Variants in RAPGEF2 observed in about 807,000 individuals in gnomAD.
RAPGEF2 encodes PDZ domain containing guanine nucleotide exchange factor (GEF) 1.
Under a neutral mutation model 186.7 loss-of-function variants are expected in RAPGEF2, and 54 were observed. The ratio of observed to expected loss-of-function variants is 0.29; its 90% CI spans 0.23 to 0.36. The LOEUF is 0.36. Ranked by LOEUF, RAPGEF2 falls within the 10% of genes least tolerant of loss-of-function variation. The pLI is 1.00. For missense variants in RAPGEF2, 1,532 were observed against 2,045.0 expected (o/e 0.75, Z 4.84); for synonymous variants, 712 against 705.9 (o/e 1.01, Z -0.14).
Position 159,346,695 on chromosome 4 carries a change from G to A in RAPGEF2, c.3503-94G>A, listed in dbSNP as rs954343851. ...TGTGCATTAATTTAGTATTCTAACT[G>A]CAGAAAATGCTCACACAGTTCTAGA... On this transcript the variant is annotated intron_variant, in intron 24 of 29. Coordinates refer to ENST00000691494, the MANE Select transcript of RAPGEF2 (RefSeq NM_001394067.2). 3 of 1,044,266 alleles carry A rather than the reference G, an allele frequency of 2.9e-6. No individual in the cohort carries two copies. In the African/African-American group the frequency reaches 4.8e-5, roughly 17 times the overall value. 64.7% of individuals were successfully genotyped at this position (1,044,266 alleles called of 1,614,324 possible). A position where few individuals can be genotyped will look rare whatever the true frequency, so the allele number is the denominator to read the frequency against.
In RAPGEF2 at chr4:159,338,411, A is replaced by G; in HGVS notation, c.2236A>G (p.Ser746Gly). ...ALPVSGTLSS[S>G]NPDLLQSHHR... ...GCCTGTCAGTGGAACCTTATCATCC[A>G]GTAATCCTGATTTATTGCAGTCACA... Residue 746 changes from serine to glycine, a missense_variant, in exon 18 of 30, where the codon AGT becomes GGT. Ser to Gly is a moderately conservative substitution (Grantham distance 56, BLOSUM62 0). Around this residue, in one of 4 missense-constraint regions of RAPGEF2, gnomAD observed 810 missense variants for 1,210.5 expected, o/e 0.67. Transcript: ENST00000691494. The G allele has an allele frequency of 6.2e-7, 1 of 1,614,174 alleles. No individual in the cohort carries two copies. The highest frequency in any genetic ancestry group is 8.5e-7 in the Non-Finnish European group (1 of 1,179,978).
At chr4:159,114,137 T>C (rs921404724) in intron 1 of RAPGEF2, among the ~76,000 whole-genome samples, 3 of 149,962 alleles carry the variant, frequency 2.0e-5, no homozygotes, top group Non-Finnish European at 4.4e-5. Context: ...TTTTTTTTTT[T>C]CTTTGAGATG....
At chr4:159,346,522 T>C (rs866202417) in intron 24 of RAPGEF2, among the ~76,000 whole-genome samples, 1 of 152,212 alleles carries the variant, frequency 6.6e-6, no homozygotes, top group East Asian at 1.9e-4. Flanking sequence ...TTTCTATATT[T>C]TTAATGGGGT....
chr4:159,301,429 T>C (rs1478076147), intron 7 of RAPGEF2, among the ~76,000 whole-genome samples: 4 of 152,202 alleles, frequency 2.6e-5, no homozygotes, highest in African/African-American at 9.6e-5. Context: ...GGAAAAGATT[T>C]TAAGGTTTTT....
intron 19 of RAPGEF2, among the ~76,000 whole-genome samples, chr4:159,341,315 G>C (rs1729444257): frequency 6.6e-6 from 1 of 152,202 alleles, no homozygotes; most frequent in African/African-American, 2.4e-5. Context: ...AGAAAGGATA[G>C]AAAGTGCAAC....
At chr4:159,253,818 A>G (rs1421599709) in intron 7 of RAPGEF2, among the ~76,000 whole-genome samples, 1 of 152,088 alleles carries the variant, frequency 6.6e-6, no homozygotes, top group African/African-American at 2.4e-5. Flanking sequence ...AATACCAAAA[A>G]TGAGCTGGGT....
chr4:159,271,962 TG>T (rs1365306663), intron 7 of RAPGEF2, among the ~76,000 whole-genome samples: 1 of 152,208 alleles, frequency 6.6e-6, no homozygotes, highest in Admixed American at 6.5e-5. Flanking sequence ...TTTCTGTGTT[TG>T]GTCTTACCAT....
intron 28 of RAPGEF2, 64 bp downstream of exon 28, chr4:159,354,110 A>G (rs771464250): frequency 4.5e-5 from 64 of 1,417,444 alleles, no homozygotes; most frequent in Non-Finnish European, 5.9e-5. Context: ...ACTTATTACA[A>G]TAGTAAAATT....
At chr4:159,265,099 ACTAGT>A (rs1299590465) in intron 7 of RAPGEF2, among the ~76,000 whole-genome samples, 1 of 152,184 alleles carries the variant, frequency 6.6e-6, no homozygotes, top group Non-Finnish European at 1.5e-5. Context: ...TTTGACAGAA[ACTAGT>A]CTAGAGGATT....
chr4:159,160,404 A>G (rs1744581929), intron 1 of RAPGEF2, among the ~76,000 whole-genome samples: 1 of 152,366 alleles, frequency 6.6e-6, no homozygotes, highest in Non-Finnish European at 1.5e-5. Flanking sequence ...GCCTAAGGTC[A>G]TACATTACAC....
chr4:159,262,808 A>G (rs1292906990), intron 7 of RAPGEF2, among the ~76,000 whole-genome samples: 4 of 149,686 alleles, frequency 2.7e-5, no homozygotes. Context: ...TGCCACATAA[A>G]CAGTTTGCCG....
chr4:159,309,005 C>A (rs1579874123), intron 8 of RAPGEF2, among the ~76,000 whole-genome samples: 1 of 152,152 alleles, frequency 6.6e-6, no homozygotes, highest in South Asian at 2.1e-4. Flanking sequence ...AAAGTGATTT[C>A]CCTCTGCTCT....
At chr4:159,246,564 G>A (rs1302707489) in intron 7 of RAPGEF2, among the ~76,000 whole-genome samples, 1 of 152,072 alleles carries the variant, frequency 6.6e-6, no homozygotes, top group African/African-American at 2.4e-5. Context: ...AGTTAAGTTG[G>A]TTTCTCCTTC....
At chr4:159,151,987 A>G (rs1422107407) in intron 1 of RAPGEF2, among the ~76,000 whole-genome samples, 1 of 152,152 alleles carries the variant, frequency 6.6e-6, no homozygotes, top group Non-Finnish European at 1.5e-5. Context: ...ATCACTGAAT[A>G]TGGACAAGGA....
intron 7 of RAPGEF2, among the ~76,000 whole-genome samples, chr4:159,298,235 CATTATAT>C (rs1375414335): frequency 1.3e-5 from 2 of 152,058 alleles, no homozygotes; most frequent in Non-Finnish European, 2.9e-5. Flanking sequence ...TGTTTCCTGA[CATTATAT>C]ATATTTATTA....
intron 9 of RAPGEF2, among the ~76,000 whole-genome samples, chr4:159,320,739 A>G (rs1412274934): frequency 1.3e-5 from 2 of 152,238 alleles, no homozygotes; most frequent in East Asian, 3.8e-4. Context: ...TTCACAGAAT[A>G]TATTTTTCTG....
At chr4:159,195,066 A>G (rs1322881116) in intron 3 of RAPGEF2, among the ~76,000 whole-genome samples, 3 of 152,210 alleles carry the variant, frequency 2.0e-5, no homozygotes, top group Admixed American at 1.3e-4. Context: ...GCAACATGTG[A>G]AACTATGACG....
chr4:159,267,185 A>G, intron 7 of RAPGEF2: 1 of 1,287,214 alleles, frequency 7.8e-7, no homozygotes, highest in Non-Finnish European at 1.0e-6. Flanking sequence ...TGCTTTCTGC[A>G]GGAAGCAGCA....
At chr4:159,316,407 C>T (rs2111120388) in intron 9 of RAPGEF2, among the ~76,000 whole-genome samples, 1 of 152,238 alleles carries the variant, frequency 6.6e-6, no homozygotes, top group South Asian at 2.1e-4. Context: ...GCCTCGGCAC[C>T]TGGGTGGCTT....
Sources: allele counts gnomAD v4.1 joint callset (sites outside exome capture counted in the v4.1 genomes callset), GRCh38; gene constraint gnomAD v4.1.1; regional missense constraint gnomAD v4.1.1; transcripts MANE v1.5; gene names NCBI Gene and HGNC (gene_info 2026-07-23, HGNC 2026-07-21).